Variants in TUSC3 observed in about 807,000 individuals in gnomAD.
TUSC3 encodes the protein tumor suppressor candidate 3.
A neutral mutation model predicts 44.8 loss-of-function variants in TUSC3; 45 were observed. The observed-to-expected ratio is 1.00, with a 90% CI of 0.79 to 1.29. The LOEUF is 1.29. Ranked by LOEUF, TUSC3 falls within the 50% of genes most tolerant of loss-of-function variation. The pLI is 0.00. For missense variants in TUSC3, 519 were observed against 437.9 expected (o/e 1.19, Z -1.65); for synonymous variants, 212 against 152.9 (o/e 1.39, Z -2.85).
intron 3 of TUSC3, among the ~76,000 whole-genome samples, chr8:15,653,925 TG>T (rs1273302266): frequency 6.6e-5 from 10 of 152,128 alleles, no homozygotes; most frequent in Non-Finnish European, 1.5e-4. Flanking sequence ...GGGGACTCAC[TG>T]GGGAAGTAAC....
intron 9 of TUSC3, among the ~76,000 whole-genome samples, chr8:15,754,522 A>T (rs570549115): frequency 6.6e-6 from 1 of 152,220 alleles, no homozygotes; most frequent in East Asian, 1.9e-4. Flanking sequence ...TGTACTTGGG[A>T]TAAGACACTT....
At chr8:15,429,968 C>T (rs2129116667) in intron 1 of TUSC3, among the ~76,000 whole-genome samples, 1 of 151,710 alleles carries the variant, frequency 6.6e-6, no homozygotes, top group African/African-American at 2.4e-5. Flanking sequence ...ATAACAGCCT[C>T]TGAAATTGAG....
rs1801635963 is a variant in TUSC3, at chr8:15,540,351, G to C, written c.-80G>C. On this transcript the variant is annotated 5_prime_UTR_variant, in exon 1 of 11. Transcript: ENST00000503731. The stretch of plus-strand genomic sequence containing the variant: ...GGGCCCAGCCAGCGGGCTCCCGGAG[G>C]CTGGCCGGGCAGGCGTGGTGCGCGG... The C allele has an allele frequency of 7.2e-7, 1 of 1,398,314 alleles. No individual in the cohort carries two copies. The highest frequency in any genetic ancestry group is 9.3e-7 in the Non-Finnish European group (1 of 1,074,488). The allele number at this position is 1,398,314 out of a possible 1,614,324, so 86.6% of individuals were successfully genotyped here.
chr8:15,849,823 A>T, the TUSC3 span, among the ~76,000 whole-genome samples: 1 of 152,094 alleles, frequency 6.6e-6, no homozygotes, highest in Non-Finnish European at 1.5e-5. Flanking sequence ...AAAAAAAAGC[A>T]AAGCATCTTG....
intron 1 of TUSC3, among the ~76,000 whole-genome samples, chr8:15,479,492 T>G (rs983463539): frequency 6.6e-6 from 1 of 152,218 alleles, no homozygotes; most frequent in Non-Finnish European, 1.5e-5. Flanking sequence ...AGTTTCAATT[T>G]TCTGTATATG....
At chr8:15,458,373 C>T (rs1016094171) in intron 1 of TUSC3, among the ~76,000 whole-genome samples, 2 of 152,022 alleles carry the variant, frequency 1.3e-5, no homozygotes, top group African/African-American at 2.4e-5. Flanking sequence ...CGAATAGCTG[C>T]GACTACAGGA....
chr8:15,687,865 C>T (rs1342527466), intron 6 of TUSC3, among the ~76,000 whole-genome samples: 1 of 152,030 alleles, frequency 6.6e-6, no homozygotes, highest in African/African-American at 2.4e-5. Flanking sequence ...ATTGTTTTCC[C>T]TGCTAACATT....
At chr8:15,504,286 T>G (rs1801014714) in intron 2 of TUSC3, among the ~76,000 whole-genome samples, 1 of 151,980 alleles carries the variant, frequency 6.6e-6, no homozygotes, top group Non-Finnish European at 1.5e-5. Flanking sequence ...CTCATAGACA[T>G]TGACAGTGCA....
chr8:15,736,992 A>G (rs900989648), intron 7 of TUSC3, among the ~76,000 whole-genome samples: 1 of 152,186 alleles, frequency 6.6e-6, no homozygotes, highest in Non-Finnish European at 1.5e-5. Flanking sequence ...TTATTTATAT[A>G]AAAGTAAAGG....
intron 1 of TUSC3, among the ~76,000 whole-genome samples, chr8:15,620,405 T>A (rs989169897): frequency 6.6e-6 from 1 of 152,202 alleles, no homozygotes; most frequent in African/African-American, 2.4e-5. Flanking sequence ...AATTCTACAT[T>A]TTTCAAGATG....
rs978576271 is a variant in TUSC3, at chr8:15,531,569, C to T, written n.189+48086C>T. 3.9e-5 allele frequency among the ~76,000 whole-genome samples: 6 copies of T among 152,130 alleles called. No individual in the cohort carries two copies. The East Asian group carries it at 5.8e-4, about 15-fold the overall frequency. The stretch of plus-strand genomic sequence containing the variant: ...GCCCAGCCTAAAGCTTTTTAATAAA[C>T]GTTCACTCCTGCCTTAAAACTTGCC... On this transcript the variant is annotated intron_variant and non_coding_transcript_variant, in intron 2 of 5. Transcript: ENST00000503191.
intron 1 of TUSC3, among the ~76,000 whole-genome samples, chr8:15,571,581 G>A (rs575342416): frequency 2.0e-4 from 31 of 152,258 alleles, no homozygotes; most frequent in African/African-American, 7.5e-4. Context: ...GATGGCTACT[G>A]ACCAATAAGG....
the TUSC3 span, among the ~76,000 whole-genome samples, chr8:15,844,490 T>C: frequency 6.6e-6 from 1 of 152,142 alleles, no homozygotes; most frequent in African/African-American, 2.4e-5. Flanking sequence ...AGAGTTATGA[T>C]GAACCCAACT....
At chr8:15,681,888 A>T (rs372649724) in intron 6 of TUSC3, among the ~76,000 whole-genome samples, 28 of 152,122 alleles carry the variant, frequency 1.8e-4, no homozygotes, top group African/African-American at 6.5e-4. Context: ...GATTCAAAGA[A>T]TTTTTTGTTT....
intron 2 of TUSC3, among the ~76,000 whole-genome samples, chr8:15,489,788 C>A (rs1341542996): frequency 6.6e-6 from 1 of 152,162 alleles, no homozygotes; most frequent in Non-Finnish European, 1.5e-5. Context: ...CCCATCGTGG[C>A]CTAAAATAGT....
At chr8:15,595,417 G>A (rs1479218374) in intron 1 of TUSC3, among the ~76,000 whole-genome samples, 1 of 152,232 alleles carries the variant, frequency 6.6e-6, no homozygotes, top group East Asian at 1.9e-4. Flanking sequence ...GTCTCTGCCT[G>A]TACTCTCCCT....
At chr8:15,756,931 C>T (rs1451299851) in intron 9 of TUSC3, among the ~76,000 whole-genome samples, 3 of 152,074 alleles carry the variant, frequency 2.0e-5, no homozygotes, top group Admixed American at 2.0e-4. Context: ...TTTCCTGAGG[C>T]CAAGAATTTG....
chr8:15,775,774 A>G, the TUSC3 span, among the ~76,000 whole-genome samples: 1 of 120,218 alleles, frequency 8.3e-6, no homozygotes, highest in Non-Finnish European at 1.8e-5. Context: ...ATATATATAT[A>G]TATCTTCCGT....
the TUSC3 span, among the ~76,000 whole-genome samples, chr8:15,828,607 G>C: frequency 1.3e-5 from 2 of 152,184 alleles, no homozygotes; most frequent in African/African-American, 4.8e-5. Context: ...TGCATCTATT[G>C]CTTTTGGATC....
Sources: gnomAD v4.1 joint callset for allele counts (sites outside exome capture counted in the v4.1 genomes callset) on GRCh38, gnomAD v4.1.1 for gene constraint, MANE v1.5 for transcripts, NCBI Gene and HGNC (gene_info 2026-07-23, HGNC 2026-07-21) for gene names.